Variants in AGPAT4 observed in about 807,000 individuals in gnomAD.
The protein encoded by AGPAT4 is 1-acyl-sn-glycerol-3-phosphate acyltransferase delta.
In AGPAT4, 15 loss-of-function variants were observed where a neutral mutation model predicts 48.0. The observed-to-expected ratio is 0.31, with a 90% CI of 0.21 to 0.48. The LOEUF (loss-of-function observed/expected upper bound fraction) is 0.48. AGPAT4 is among the 20% of genes least tolerant of loss of function. The probability of loss-of-function intolerance (pLI) is 0.99; values close to 1 mark genes in which losing one functional copy is unlikely to be tolerated. For synonymous variants in AGPAT4, 178 were observed against 198.7 expected (o/e 0.90, Z 0.88); for missense variants, 314 against 482.5 (o/e 0.65, Z 3.27).
chr6:161,188,368 T>C (rs1404482435), intron 2 of AGPAT4, among the ~76,000 whole-genome samples: 1 of 152,188 alleles, frequency 6.6e-6, no homozygotes, highest in South Asian at 2.1e-4. Flanking sequence ...TGCACATTTT[T>C]CTATCAGACT....
intron 2 of AGPAT4, among the ~76,000 whole-genome samples, chr6:161,187,824 G>A (rs1466771242): frequency 1.3e-5 from 2 of 152,142 alleles, no homozygotes; most frequent in East Asian, 1.9e-4. Context: ...GCTTACAGGC[G>A]TGAGCCACCG....
intron 7 of AGPAT4, among the ~76,000 whole-genome samples, chr6:161,145,061 C>T (rs1198192879): frequency 6.6e-6 from 1 of 151,720 alleles, no homozygotes; most frequent in Non-Finnish European, 1.5e-5. Flanking sequence ...AAAATACTGC[C>T]TCATGCATGA....
At chr6:161,176,538 G>A (rs1344725087) in intron 2 of AGPAT4, among the ~76,000 whole-genome samples, 1 of 152,132 alleles carries the variant, frequency 6.6e-6, no homozygotes, top group African/African-American at 2.4e-5. Flanking sequence ...GTGTGTCTCT[G>A]TACATGAGAT....
At chr6:161,271,661 G>C (rs963620573) in intron 1 of AGPAT4, among the ~76,000 whole-genome samples, 4 of 152,216 alleles carry the variant, frequency 2.6e-5, no homozygotes, top group Non-Finnish European at 4.4e-5. Context: ...CTGAATATCA[G>C]ACAGTGTTTT....
Position 161,147,395 on chromosome 6 carries a change from C to T in AGPAT4, c.768-796G>A, listed in dbSNP as rs1173542723. Reference sequence around the variant, plus strand: ...TGATGGCTCTTGTGATTTCAAGGGACGTTCATTTATACTCAATTTTGTCCA... The same window carrying T: ...TGATGGCTCTTGTGATTTCAAGGGATGTTCATTTATACTCAATTTTGTCCA... On this transcript the variant is annotated intron_variant, in intron 6 of 8. Transcript: ENST00000320285. This position sits in a 1 kb window ranked among gnomAD's most constrained non-coding sequence, Gnocchi z 4.8. 1.3e-5 allele frequency among the ~76,000 whole-genome samples: 2 copies of T among 152,166 alleles called. No homozygotes were observed. The highest frequency in any genetic ancestry group is 1.9e-4 in the East Asian group (1 of 5,190).
rs1780253931 is a variant in AGPAT4 at position 161,171,003 on chromosome 6, A to G, written c.179-4586T>C. Among the ~76,000 whole-genome samples the G allele has an allele frequency of 6.6e-6, 1 of 152,170 alleles. No homozygotes were observed. Among genetic ancestry groups the G allele is most frequent in the Non-Finnish European group, 1.5e-5 (1 of 68,028 alleles). ...GGGCAGTGTCACCTCCTTTCAAAGG[A>G]CATATTATTTAGAACCTCCAATTTA... is the stretch of plus-strand genomic sequence containing the variant. On this transcript the variant is annotated intron_variant, in intron 2 of 8. Coordinates refer to ENST00000320285, the MANE Select transcript of AGPAT4 (RefSeq NM_020133.3). The surrounding 1 kb of genome is among the most constrained non-coding windows in gnomAD (Gnocchi z 4.4).
Position 161,140,165 on chromosome 6 carries a change from G to A in AGPAT4, c.844-545C>T, listed in dbSNP as rs1052249428. Among the ~76,000 whole-genome samples, 3 of 146,186 alleles carry A rather than the reference G, an allele frequency of 2.1e-5. No homozygotes were observed. The highest frequency in any genetic ancestry group is 4.6e-5 in the Non-Finnish European group (3 of 64,678). On this transcript the variant is annotated intron_variant, in intron 7 of 8. Coordinates refer to ENST00000320285, the MANE Select transcript of AGPAT4 (RefSeq NM_020133.3). This position sits in a 1 kb window ranked among gnomAD's most constrained non-coding sequence, Gnocchi z 6.5. ...GCAGCCCACCCGCACCTACCACCCT[G>A]TTTGCCACTGGAGGGCTCTGAGGGC...
intron 1 of AGPAT4, among the ~76,000 whole-genome samples, chr6:161,271,254 A>G (rs747866): frequency 0.52 from 78,685 of 151,938 alleles, 22,269 homozygotes; most frequent in African/African-American, 0.75. Context: ...TTGCTATCTA[A>G]GACACCCTCT....
rs572395965 is a variant in AGPAT4 at position 161,200,411 on chromosome 6, A to G, written c.178+31625T>C. Among the ~76,000 whole-genome samples, 1 of 152,336 alleles carries G rather than the reference A, an allele frequency of 6.6e-6. No homozygotes were observed. Among genetic ancestry groups the G allele is most frequent in the South Asian group, 2.1e-4 (1 of 4,828 alleles). ...TTCAGAGAGTTTTATCTTAAATAAC[A>G]TGCCATTTTATCTCCAAATAACCAC... On this transcript the variant is annotated intron_variant, in intron 2 of 8. Coordinates refer to ENST00000320285, the MANE Select transcript of AGPAT4 (RefSeq NM_020133.3). The surrounding 1 kb of genome is among the most constrained non-coding windows in gnomAD (Gnocchi z 5.5).
rs759489016 is a variant in AGPAT4, at chr6:161,133,930, AGTT to A, written c.*2607_*2609del. On this transcript the variant is annotated 3_prime_UTR_variant, in exon 9 of 9. Transcript: ENST00000320285. ...AAAAAATAACCCTGGGAACCAAAGC[AGTT>A]GTTGTGTGCTGAGGAGATGGTGACC... The A allele has an allele frequency of 1.1e-4, 17 of 152,380 alleles. No individual in the cohort carries two copies. Among genetic ancestry groups the A allele is most frequent in the Admixed American group, 2.0e-4 (3 of 15,304 alleles). 9.4% of individuals were successfully genotyped at this position (152,380 alleles called of 1,614,324 possible).
At position 161,204,856 on chromosome 6, in the gene AGPAT4, G is replaced by A. The variant is rs1158161448; in HGVS notation, c.178+27180C>T. ...ATTGTGCTACTTTGTAATGATTATA[G>A]AGTCAGCTATAAGAAGAATTTCAAT... On this transcript the variant is annotated intron_variant, in intron 2 of 8. Coordinates refer to ENST00000320285, the MANE Select transcript of AGPAT4 (RefSeq NM_020133.3). This position sits in a 1 kb window ranked among gnomAD's most constrained non-coding sequence, Gnocchi z 4.4. Among the ~76,000 whole-genome samples the A allele has an allele frequency of 6.6e-6, 1 of 152,164 alleles. No individual in the cohort carries two copies. Among genetic ancestry groups the A allele is most frequent in the Non-Finnish European group, 1.5e-5 (1 of 68,030 alleles).
intron 1 of AGPAT4, among the ~76,000 whole-genome samples, chr6:161,258,588 T>A (rs148051067): frequency 1.5e-3 from 225 of 152,246 alleles, no homozygotes; most frequent in African/African-American, 4.2e-3. Context: ...AGTTCTCTTA[T>A]CTGGGGCAAC....
Position 161,204,064 on chromosome 6 carries a change from G to A in AGPAT4, c.178+27972C>T, listed in dbSNP as rs2115012807. Among the ~76,000 whole-genome samples the A allele has an allele frequency of 6.6e-6, 1 of 152,248 alleles. No homozygotes were observed. The highest frequency in any genetic ancestry group is 1.9e-4 in the East Asian group (1 of 5,182). ...TAATGTTGATTCTAGGTTGTTAAAT[G>A]TTTAAAAACAATTTCAGACTCTTGA... On this transcript the variant is annotated intron_variant, in intron 2 of 8. Transcript: ENST00000320285. The surrounding 1 kb of genome is among the most constrained non-coding windows in gnomAD (Gnocchi z 4.4).
At position 161,214,850 on chromosome 6, in the gene AGPAT4, G is replaced by A. The variant is rs891404296; in HGVS notation, c.178+17186C>T. Among the ~76,000 whole-genome samples the A allele has an allele frequency of 8.5e-5, 13 of 152,282 alleles. No homozygotes were observed. The highest frequency in any genetic ancestry group is 6.8e-3 in the Middle Eastern group (2 of 294). On this transcript the variant is annotated intron_variant, in intron 2 of 8. Transcript: ENST00000320285. The surrounding 1 kb of genome is among the most constrained non-coding windows in gnomAD (Gnocchi z 5.4). ...CTGTATTACAATCTTAGCAGACACC[G>A]TTGTAAATGTGGTCTACTGCCTGAA... is the stretch of plus-strand genomic sequence containing the variant.
rs57821003 is a variant in AGPAT4, at chr6:161,142,890, T to C, written c.844-3270A>G. On this transcript the variant is annotated intron_variant, in intron 7 of 8. Coordinates refer to ENST00000320285, the MANE Select transcript of AGPAT4 (RefSeq NM_020133.3). This position sits in a 1 kb window ranked among gnomAD's most constrained non-coding sequence, Gnocchi z 6.4. ...TCCCTGCTGCCCTTCTAAGGAGCAA[T>C]GCCCTTATGGTTTAAGTGAAAAAAC... Among the ~76,000 whole-genome samples, 8,157 of 152,232 alleles carry C rather than the reference T, an allele frequency of 0.054. 712 individuals are homozygous for C. The highest frequency in any genetic ancestry group is 0.18 in the African/African-American group (7,592 of 41,514).
chr6:161,254,841 A>G lies in AGPAT4; in HGVS notation c.-90+19097T>C, dbSNP rs1442579022. ...CTAAAAGCCAGTGTGTTTGGGTTTC[A>G]CATCATTGTCTTCAAAGGACTTCCT... On this transcript the variant is annotated intron_variant, in intron 1 of 8. Transcript: ENST00000320285. This position sits in a 1 kb window ranked among gnomAD's most constrained non-coding sequence, Gnocchi z 5.9. Among the ~76,000 whole-genome samples, 1 of 152,230 alleles carries G rather than the reference A, an allele frequency of 6.6e-6. No individual in the cohort carries two copies. Among genetic ancestry groups the G allele is most frequent in the Non-Finnish European group, 1.5e-5 (1 of 68,036 alleles).
rs541494049 is a variant in AGPAT4, at chr6:161,247,220, A to G, written c.-89-14918T>C. On this transcript the variant is annotated intron_variant, in intron 1 of 8. Coordinates refer to ENST00000320285, the MANE Select transcript of AGPAT4 (RefSeq NM_020133.3). ...TTAAAACAAAGAATCTTCTGTTAAA[A>G]CACAAATCCAGTGAAACTAAAGGAA... Among the ~76,000 whole-genome samples the G allele has an allele frequency of 2.0e-5, 3 of 152,378 alleles. No homozygotes were observed. The South Asian group carries it at 6.2e-4, about 32-fold the overall frequency.
At chr6:161,268,175 T>C (rs539758266) in intron 1 of AGPAT4, among the ~76,000 whole-genome samples, 3 of 152,268 alleles carry the variant, frequency 2.0e-5, no homozygotes, top group African/African-American at 7.2e-5. Flanking sequence ...AGTTAATAAA[T>C]GTGAAGTCCA....
intron 3 of AGPAT4, chr6:161,160,516 G>A (rs755747839): frequency 8.1e-5 from 14 of 172,306 alleles, no homozygotes; most frequent in Middle Eastern, 2.7e-3. Context: ...GACAGAGTAC[G>A]CGGGGTTCTT....
Sources: allele counts gnomAD v4.1 joint callset (sites outside exome capture counted in the v4.1 genomes callset), GRCh38; gene constraint gnomAD v4.1.1; non-coding constraint Gnocchi (gnomAD v3.1); transcripts MANE v1.5; gene names NCBI Gene and HGNC (gene_info 2026-07-23, HGNC 2026-07-21).